TAAR5: variants seen among roughly 807,000 people sequenced by gnomAD.
The protein encoded by TAAR5 is trace amine-associated receptor 5.
Under a neutral mutation model 21.1 loss-of-function variants are expected in TAAR5, and 27 were observed. The observed-to-expected ratio is 1.28, with a 90% CI of 0.94 to 1.76. The LOEUF (loss-of-function observed/expected upper bound fraction) is 1.76, where lower values mean the gene tolerates loss of function less well. Ranked by LOEUF, TAAR5 falls within the 40% of genes most tolerant of loss-of-function variation. The pLI is 0.00. For synonymous variants in TAAR5, 203 were observed against 167.5 expected, an observed-to-expected ratio of 1.21 and a Z score of -1.64; for missense variants, 495 against 405.6, an observed-to-expected ratio of 1.22 and a Z score of -1.89.
the TAAR5 span, among the ~76,000 whole-genome samples, chr6:132,604,750 A>G: frequency 6.6e-6 from 1 of 152,210 alleles, no homozygotes; most frequent in Non-Finnish European, 1.5e-5. Context: ...GTCCAACAGG[A>G]AACAGATGGC....
the TAAR5 span, among the ~76,000 whole-genome samples, chr6:132,613,354 T>C: frequency 6.6e-6 from 1 of 152,216 alleles, no homozygotes; most frequent in Admixed American, 6.5e-5. Context: ...TTTGCGGCCA[T>C]TAACATTGTT....
the TAAR5 span, among the ~76,000 whole-genome samples, chr6:132,601,068 G>A: frequency 1.4e-5 from 2 of 139,256 alleles, no homozygotes; most frequent in African/African-American, 5.3e-5. Context: ...AGGGAAAGAA[G>A]GAAGGAAGGA....
At chr6:132,606,028 C>T in the TAAR5 span, among the ~76,000 whole-genome samples, 1 of 151,440 alleles carries the variant, frequency 6.6e-6, no homozygotes, top group Non-Finnish European at 1.5e-5. Flanking sequence ...ACCGCCTATT[C>T]TCACTTATAA....
chr6:132,600,026 A>G, the TAAR5 span, among the ~76,000 whole-genome samples: 34 of 152,332 alleles, frequency 2.2e-4, no homozygotes, highest in African/African-American at 7.7e-4. Context: ...TACTACTAAT[A>G]GTAACTGTAG....
At chr6:132,605,310 A>G in the TAAR5 span, among the ~76,000 whole-genome samples, 5 of 152,220 alleles carry the variant, frequency 3.3e-5, no homozygotes, top group Non-Finnish European at 7.3e-5. Flanking sequence ...AAGGGAAGGC[A>G]TGTTACAGAT....
At chr6:132,602,779 CAAA>C in the TAAR5 span, among the ~76,000 whole-genome samples, 23 of 95,938 alleles carry the variant, frequency 2.4e-4, no homozygotes, top group Admixed American at 3.7e-4. Context: ...CTTTAGAAGT[CAAA>C]AAAAAAAAAA....
rs145808021 is a variant in TAAR5 at position 132,589,343 on chromosome 6, G to T, written c.344C>A (p.Thr115Asn). The change falls in exon 1 of 1, where the codon ACC (threonine) becomes AAC (asparagine). Residue 115 changes from threonine to asparagine, a missense_variant. Physicochemically the swap from Thr to Asn is moderately conservative, Grantham distance 65. Transcript: ENST00000258034. ...FLCRLHTYLD[T>N]LFCLTSIFHL... Reference sequence around the variant, plus strand: ...GAAGATGGAGGTGAGGCAGAAGAGGGTGTCCAGGTAGGTGTGCAGGCGGCA... The same window carrying T: ...GAAGATGGAGGTGAGGCAGAAGAGGTTGTCCAGGTAGGTGTGCAGGCGGCA... The T allele has an allele frequency of 1.4e-5, 22 of 1,613,918 alleles. No individual in the cohort carries two copies. The African/African-American group carries it at 2.7e-4, about 20-fold the overall frequency.
At chr6:132,601,409 G>A in the TAAR5 span, among the ~76,000 whole-genome samples, 1 of 152,154 alleles carries the variant, frequency 6.6e-6, no homozygotes, top group East Asian at 1.9e-4. Flanking sequence ...TAGAGGACAG[G>A]GTTTAATTCT....
chr6:132,590,979 T>G (rs574137698), upstream of TAAR5, among the ~76,000 whole-genome samples: 16 of 152,330 alleles, frequency 1.1e-4, no homozygotes, highest in Non-Finnish European at 2.2e-4. Context: ...TTTTGGTTCA[T>G]GAAGGGGTGG....
chr6:132,604,907 G>T, the TAAR5 span, among the ~76,000 whole-genome samples: 647 of 152,282 alleles, frequency 4.2e-3, 3 homozygotes, highest in Middle Eastern at 0.044. Context: ...TAGACCGAAC[G>T]TGTCAGGGGA....
the TAAR5 span, among the ~76,000 whole-genome samples, chr6:132,613,224 C>G: frequency 0.1 from 15,384 of 152,208 alleles, 976 homozygotes; most frequent in African/African-American, 0.17. Flanking sequence ...CAATAACCAG[C>G]TCTAACAAAC....
At chr6:132,605,327 C>T in the TAAR5 span, among the ~76,000 whole-genome samples, 1 of 152,306 alleles carries the variant, frequency 6.6e-6, no homozygotes, top group Admixed American at 6.5e-5. Flanking sequence ...AGATGAGTTT[C>T]CAAATGAATA....
At chr6:132,593,474 A>G (rs984210462), upstream of TAAR5, among the ~76,000 whole-genome samples, 1 of 152,190 alleles carries the variant, frequency 6.6e-6, no homozygotes, top group Non-Finnish European at 1.5e-5. Context: ...TCCCCCTGAG[A>G]TAATGGTTAC....
the TAAR5 span, chr6:132,608,472 C>T: frequency 2.2e-6 from 1 of 455,058 alleles, no homozygotes; most frequent in Admixed American, 2.4e-5. Context: ...AACAAGGCAA[C>T]CAGCAAGCCA....
chr6:132,608,576 G>A, the TAAR5 span: 2 of 455,816 alleles, frequency 4.4e-6, no homozygotes, highest in Non-Finnish European at 8.8e-6. Context: ...GTGTTTTCAG[G>A]CACATGGCTG....
At chr6:132,607,701 T>G in the TAAR5 span, among the ~76,000 whole-genome samples, 1 of 152,198 alleles carries the variant, frequency 6.6e-6, no homozygotes, top group African/African-American at 2.4e-5. Context: ...ATGGCAGTAG[T>G]GAGCCTAAAG....
Position 132,589,224 on chromosome 6 carries a change from T to G in TAAR5, c.463A>C (p.Ile155Leu). The G allele has an allele frequency of 6.2e-7, 1 of 1,606,624 alleles. No homozygotes were observed. Among genetic ancestry groups the G allele is most frequent in the Non-Finnish European group, 8.5e-7 (1 of 1,176,236 alleles). Residue 155 changes from isoleucine to leucine, a missense_variant, in exon 1 of 1, where the codon ATC (isoleucine) becomes CTC (leucine). Physicochemically the swap from Ile to Leu is conservative, Grantham distance 5. Transcript: ENST00000258034. ...KFTVRVALRY[I>L]LAGWGVPAAY... is the part of the protein sequence containing the mutation. ...GCGGGCACCCCCCATCCTGCCAGGA[T>G]GTACCTGAGAGCCACCCTCACTGTG...
chr6:132,600,615 G>C, the TAAR5 span, among the ~76,000 whole-genome samples: 1 of 152,104 alleles, frequency 6.6e-6, no homozygotes, highest in Non-Finnish European at 1.5e-5. Context: ...ACAATTACAT[G>C]CTTTGGACAT....
the TAAR5 span, among the ~76,000 whole-genome samples, chr6:132,600,815 A>AGGGG: frequency 7.9e-6 from 1 of 126,674 alleles, no homozygotes; most frequent in Middle Eastern, 3.8e-3. Context: ...GAAGGAAGGA[A>AGGGG]GGAGGGAGGG....
Sources: allele counts gnomAD v4.1 joint callset (sites outside exome capture counted in the v4.1 genomes callset), GRCh38; gene constraint gnomAD v4.1.1; transcripts MANE v1.5; gene names NCBI Gene and HGNC (gene_info 2026-07-23, HGNC 2026-07-21).